Variants in CBFA2T2 observed in about 807,000 individuals in gnomAD.
The protein encoded by CBFA2T2 is protein CBFA2T2.
A neutral mutation model predicts 62.2 loss-of-function variants in CBFA2T2; 11 were observed. That is an observed-to-expected ratio of 0.18 (90% CI 0.11 to 0.29). CBFA2T2 has a LOEUF of 0.29. CBFA2T2 is among the 10% of genes least tolerant of loss of function. The pLI, the probability that CBFA2T2 is intolerant of heterozygous loss-of-function variation, is 1.00. For missense variants in CBFA2T2, 592 were observed against 774.1 expected (o/e 0.76, Z 2.79); for synonymous variants, 295 against 287.5 (o/e 1.03, Z -0.27).
intron 1 of CBFA2T2, among the ~76,000 whole-genome samples, chr20:33,557,237 A>G (rs2012926507): frequency 6.6e-6 from 1 of 151,456 alleles, no homozygotes; most frequent in South Asian, 2.1e-4. Context: ...CTGGTCTCGA[A>G]CTGCTGACCT....
At chr20:33,566,106 A>G (rs1013584527) in intron 1 of CBFA2T2, among the ~76,000 whole-genome samples, 6 of 152,170 alleles carry the variant, frequency 3.9e-5, no homozygotes, top group Non-Finnish European at 7.3e-5. Context: ...TAAAATAGGA[A>G]AGTTGAGGGA....
At chr20:33,562,900 A>C (rs1032579094) in intron 1 of CBFA2T2, among the ~76,000 whole-genome samples, 3 of 152,228 alleles carry the variant, frequency 2.0e-5, no homozygotes, top group African/African-American at 7.2e-5. Context: ...TGCAAGGTTT[A>C]CTTAATAATT....
chr20:33,546,327 G>A (rs565125700), intron 1 of CBFA2T2, among the ~76,000 whole-genome samples: 147 of 151,812 alleles, frequency 9.7e-4, no homozygotes, highest in Non-Finnish European at 1.7e-3. Context: ...TTTTCAGTTG[G>A]TATAAATTTT....
chr20:33,602,016 C>G (rs971434136), intron 1 of CBFA2T2: 6 of 152,110 alleles, frequency 3.9e-5, no homozygotes, highest in African/African-American at 1.4e-4. Flanking sequence ...CTGTGTTGCC[C>G]AGCCTGTTCT....
chr20:33,560,162 C>T (rs533305267), intron 1 of CBFA2T2, among the ~76,000 whole-genome samples: 8 of 152,294 alleles, frequency 5.3e-5, no homozygotes, highest in Non-Finnish European at 1.0e-4. Flanking sequence ...GGCTTACTTA[C>T]ATTGTAGGCA....
intron 8 of CBFA2T2, among the ~76,000 whole-genome samples, chr20:33,632,049 C>T (rs147050196): frequency 2.0e-5 from 3 of 152,030 alleles, no homozygotes; most frequent in East Asian, 1.9e-4. Flanking sequence ...TTTGTTTGTT[C>T]GTTTTTGTTT....
At chr20:33,493,510 T>G (rs1193745653) in intron 1 of CBFA2T2, among the ~76,000 whole-genome samples, 3 of 152,164 alleles carry the variant, frequency 2.0e-5, no homozygotes, top group African/African-American at 2.4e-5. Context: ...TGTTTTTTCT[T>G]TTTTTAAAAC....
intron 5 of CBFA2T2, chr20:33,623,994 A>ATC (rs1395629757): frequency 2.6e-5 from 15 of 572,554 alleles, no homozygotes; most frequent in Admixed American, 2.1e-4. Context: ...AACAAAAAAA[A>ATC]AGAAATACAA....
chr20:33,529,325 C>T (rs1004837563), intron 1 of CBFA2T2, among the ~76,000 whole-genome samples: 1 of 152,042 alleles, frequency 6.6e-6, no homozygotes. Flanking sequence ...GCGCCCAGTG[C>T]ACCAGTTATT....
intron 1 of CBFA2T2, among the ~76,000 whole-genome samples, chr20:33,511,988 G>C (rs774102558): frequency 6.6e-6 from 1 of 152,168 alleles, no homozygotes; most frequent in Non-Finnish European, 1.5e-5. Flanking sequence ...GACCAGCCAG[G>C]CCAACATGTG....
At chr20:33,578,466 G>A (rs1216461388) in intron 1 of CBFA2T2, among the ~76,000 whole-genome samples, 1 of 152,156 alleles carries the variant, frequency 6.6e-6, no homozygotes, top group East Asian at 1.9e-4. Flanking sequence ...GTACCCATTT[G>A]CTACTATTTT....
At position 33,648,489 on chromosome 20, in the gene CBFA2T2, G is replaced by A. The variant is rs1335552368; in HGVS notation, c.*3843G>A. ...CACCGTGCCTGACTCATCCAGTGGG[G>A]AAGGTGACTCAAGAAGTTGTTTAAG... On this transcript the variant is annotated 3_prime_UTR_variant, in exon 11 of 11. Coordinates refer to ENST00000342704, the MANE Select transcript of CBFA2T2 (RefSeq NM_001032999.3). The A allele has an allele frequency of 6.6e-6, 1 of 152,196 alleles. No individual in the cohort carries two copies. Among genetic ancestry groups the A allele is most frequent in the Non-Finnish European group, 1.5e-5 (1 of 68,088 alleles). The allele number at this position is 152,196 out of a possible 1,614,324, so 9.4% of individuals were successfully genotyped here.
intron 1 of CBFA2T2, among the ~76,000 whole-genome samples, chr20:33,497,709 C>G (rs1183241752): frequency 2.0e-5 from 3 of 152,040 alleles, no homozygotes; most frequent in East Asian, 1.9e-4. Flanking sequence ...GCCACCACGC[C>G]CAGCTAATTT....
intron 1 of CBFA2T2, among the ~76,000 whole-genome samples, chr20:33,526,932 A>T (rs2011905313): frequency 6.6e-6 from 1 of 151,882 alleles, no homozygotes; most frequent in Admixed American, 6.6e-5. Flanking sequence ...ACTCGGGTGC[A>T]TTTGAATGAT....
Position 33,649,496 on chromosome 20 carries a change from C to T in CBFA2T2, c.*4850C>T, listed in dbSNP as rs1424413000. 1 of 152,604 alleles carries T rather than the reference C, an allele frequency of 6.6e-6. No homozygotes were observed. The highest frequency in any genetic ancestry group is 2.4e-5 in the African/African-American group (1 of 41,456). The allele number at this position is 152,604 out of a possible 1,614,324, so 9.5% of individuals were successfully genotyped here. ...GGCCTGAGGGGCGGGCCTTGTGTCC[C>T]CTCCTCCCCCTCCACAGCCCCTGAG... On this transcript the variant is annotated 3_prime_UTR_variant, in exon 11 of 11. Coordinates refer to ENST00000342704, the MANE Select transcript of CBFA2T2 (RefSeq NM_001032999.3).
intron 1 of CBFA2T2, among the ~76,000 whole-genome samples, chr20:33,526,809 C>T (rs564034606): frequency 1.3e-5 from 2 of 152,192 alleles, no homozygotes; most frequent in African/African-American, 4.8e-5. Flanking sequence ...ATGAAGACAA[C>T]TCTGAGAGGA....
chr20:33,531,243 G>T (rs1202075246), intron 1 of CBFA2T2, among the ~76,000 whole-genome samples: 2 of 152,176 alleles, frequency 1.3e-5, no homozygotes, highest in Non-Finnish European at 2.9e-5. Context: ...TGCTTCTTCA[G>T]TCCAAGGTGG....
chr20:33,511,699 A>C (rs988945337), intron 1 of CBFA2T2, among the ~76,000 whole-genome samples: 1 of 152,208 alleles, frequency 6.6e-6, no homozygotes, highest in Non-Finnish European at 1.5e-5. Flanking sequence ...CAAAGTGATC[A>C]TACCTGTGTA....
At chr20:33,596,932 T>TC (rs1468730760) in intron 1 of CBFA2T2, among the ~76,000 whole-genome samples, 2 of 151,284 alleles carry the variant, frequency 1.3e-5, no homozygotes, top group African/African-American at 2.4e-5. Context: ...TTTTTTTTTT[T>TC]TTTTTCTTTC....
Sources: allele counts gnomAD v4.1 joint callset (sites outside exome capture counted in the v4.1 genomes callset), GRCh38; gene constraint gnomAD v4.1.1; transcripts MANE v1.5; gene names NCBI Gene and HGNC (gene_info 2026-07-23, HGNC 2026-07-21).